The following ANO4 variants were observed in gnomAD, a reference collection of about 807,000 sequenced individuals.
ANO4 encodes the protein anoctamin 4.
A neutral mutation model predicts 141.9 loss-of-function variants in ANO4; 69 were observed. That is an observed-to-expected ratio of 0.49 (90% CI 0.40 to 0.59). The LOEUF (loss-of-function observed/expected upper bound fraction) is 0.59. ANO4 is among the 20% of genes least tolerant of loss of function. The probability of loss-of-function intolerance (pLI) is 0.00; values close to 1 mark genes in which losing one functional copy is unlikely to be tolerated. For missense variants in ANO4, 894 were observed against 1,162.2 expected, an observed-to-expected ratio of 0.77 and a Z score of 3.36; for synonymous variants, 350 against 394.3, an observed-to-expected ratio of 0.89 and a Z score of 1.33.
chr12:101,071,855 A>G (rs1412460152), intron 14 of ANO4, among the ~76,000 whole-genome samples: 2 of 152,112 alleles, frequency 1.3e-5, no homozygotes, highest in Non-Finnish European at 2.9e-5. Context: ...AAAATAAAAA[A>G]ATTAAATTAA....
intron 3 of ANO4, among the ~76,000 whole-genome samples, chr12:100,760,909 C>A (rs2032831304): frequency 1.3e-5 from 2 of 152,142 alleles, no homozygotes; most frequent in Non-Finnish European, 2.9e-5. Context: ...GAACATGGTC[C>A]TTTCTGGGTA....
chr12:100,954,807 A>G (rs1031021311), intron 5 of ANO4, among the ~76,000 whole-genome samples: 3 of 152,108 alleles, frequency 2.0e-5, no homozygotes, highest in Non-Finnish European at 4.4e-5. Context: ...CCTCCCAGAA[A>G]CCCACATCTT....
intron 3 of ANO4, among the ~76,000 whole-genome samples, chr12:100,749,535 G>C (rs1031396160): frequency 6.6e-6 from 1 of 152,168 alleles, no homozygotes; most frequent in Non-Finnish European, 1.5e-5. Flanking sequence ...GCGGAGTCCT[G>C]TTCATTCTTC....
intron 15 of ANO4, 66 bp downstream of exon 15, chr12:101,079,341 A>G: frequency 7.5e-7 from 1 of 1,333,230 alleles, no homozygotes. Context: ...ACCCCCCCCC[A>G]AAATTGTCAC....
intron 1 of ANO4, among the ~76,000 whole-genome samples, chr12:100,888,210 T>C (rs867549800): frequency 1.3e-5 from 2 of 152,192 alleles, no homozygotes; most frequent in African/African-American, 4.8e-5. Flanking sequence ...TTCCAGTTGA[T>C]TTATAGGATG....
At chr12:100,823,866 G>A (rs2036189086) in intron 1 of ANO4, among the ~76,000 whole-genome samples, 1 of 152,056 alleles carries the variant, frequency 6.6e-6, no homozygotes, top group Non-Finnish European at 1.5e-5. Context: ...GATGAAATGG[G>A]TAGGCAATTA....
intron 17 of ANO4, among the ~76,000 whole-genome samples, chr12:101,087,676 C>G (rs183321276): frequency 2.8e-4 from 42 of 152,268 alleles, no homozygotes; most frequent in African/African-American, 9.6e-4. Context: ...CAAACTCACA[C>G]GTTAAACTGC....
At chr12:100,721,272 A>G (rs1258566931) in intron 1 of ANO4, among the ~76,000 whole-genome samples, 1 of 152,222 alleles carries the variant, frequency 6.6e-6, no homozygotes, top group East Asian at 1.9e-4. Context: ...ACCCAGGGTT[A>G]CTAGAACGAA....
intron 5 of ANO4, among the ~76,000 whole-genome samples, chr12:100,957,199 G>A (rs1048959090): frequency 4.6e-5 from 7 of 152,178 alleles, no homozygotes; most frequent in African/African-American, 1.7e-4. Context: ...CTCTGGTGAG[G>A]GCTTTTGTGC....
chr12:100,937,658 A>G (rs112519144), intron 3 of ANO4, among the ~76,000 whole-genome samples: 3 of 152,304 alleles, frequency 2.0e-5, no homozygotes, highest in African/African-American at 4.8e-5. Flanking sequence ...GCAAATGACT[A>G]CAAGCTTAGT....
intron 1 of ANO4, among the ~76,000 whole-genome samples, chr12:100,870,213 A>T (rs1025866012): frequency 6.6e-6 from 1 of 152,230 alleles, no homozygotes; most frequent in African/African-American, 2.4e-5. Context: ...CAACACAGTC[A>T]TCACTTTTGA....
chr12:100,859,628 C>T (rs528989135), intron 1 of ANO4, among the ~76,000 whole-genome samples: 2 of 152,236 alleles, frequency 1.3e-5, no homozygotes, highest in East Asian at 3.9e-4. Flanking sequence ...AGCATTCACT[C>T]AAAAAGAATG....
At chr12:100,728,084 A>G (rs537476656) in intron 1 of ANO4, among the ~76,000 whole-genome samples, 13 of 133,834 alleles carry the variant, frequency 9.7e-5, no homozygotes, top group Admixed American at 8.0e-4. Flanking sequence ...ATTAGACATT[A>G]AAATTATTAT....
Position 101,037,382 on chromosome 12 carries a change from G to A in ANO4, c.897+232G>A, listed in dbSNP as rs372673810. Reference sequence around the variant, plus strand: ...GAATACTTAAATCAATAGTCATGCAGCATGAATTCATAGGAATGGCTTAGA... The same window carrying A: ...GAATACTTAAATCAATAGTCATGCAACATGAATTCATAGGAATGGCTTAGA... On this transcript the variant is annotated intron_variant, in intron 10 of 27. Coordinates refer to ENST00000392977, the MANE Select transcript of ANO4 (RefSeq NM_001286615.2). Among the ~76,000 whole-genome samples, 6 of 152,248 alleles carry A rather than the reference G, an allele frequency of 3.9e-5. 1 individual carries two copies. Among genetic ancestry groups the A allele is most frequent in the African/African-American group, 1.4e-4 (6 of 41,556 alleles).
chr12:100,718,731 C>T (rs948569840), intron 1 of ANO4, among the ~76,000 whole-genome samples: 5 of 152,176 alleles, frequency 3.3e-5, no homozygotes, highest in Admixed American at 2.6e-4. Context: ...CAACCCCCTT[C>T]CCCCGTGCTC....
At chr12:101,110,603 G>T in intron 23 of ANO4, 47 bp downstream of exon 23, 1 of 1,427,744 alleles carries the variant, frequency 7.0e-7, no homozygotes, top group South Asian at 1.7e-5. Flanking sequence ...TAAACATCTG[G>T]TGGATAAAAT....
At chr12:100,864,991 A>G (rs1382587874) in intron 1 of ANO4, among the ~76,000 whole-genome samples, 1 of 152,120 alleles carries the variant, frequency 6.6e-6, no homozygotes, top group Non-Finnish European at 1.5e-5. Flanking sequence ...AGCTTCATCC[A>G]TGGTGTATAT....
At chr12:100,830,690 G>A (rs2036586620) in intron 1 of ANO4, among the ~76,000 whole-genome samples, 1 of 151,998 alleles carries the variant, frequency 6.6e-6, no homozygotes, top group East Asian at 1.9e-4. Context: ...TGCTCAGACA[G>A]GGATTTCATA....
chr12:101,093,155 C>T lies in ANO4; in HGVS notation c.1702-1101C>T, dbSNP rs113506205. Among the ~76,000 whole-genome samples the T allele has an allele frequency of 5.8e-3, 876 of 152,218 alleles. 7 individuals carry two copies. The highest frequency in any genetic ancestry group is 0.019 in the South Asian group (92 of 4,818). ...AGATTTCTAGACATAAGATTTGTTC[C>T]TATGCCATATTAATATATCCTAATA... On this transcript the variant is annotated intron_variant, in intron 17 of 27. Coordinates refer to ENST00000392977, the MANE Select transcript of ANO4 (RefSeq NM_001286615.2).
Sources: gnomAD v4.1 joint callset for allele counts (sites outside exome capture counted in the v4.1 genomes callset) on GRCh38, gnomAD v4.1.1 for gene constraint, MANE v1.5 for transcripts, NCBI Gene and HGNC (gene_info 2026-07-23, HGNC 2026-07-21) for gene names.